Variants in SCRN3 observed in about 807,000 individuals in gnomAD.
SCRN3 encodes secernin-3.
SCRN3 carries 39 observed loss-of-function variants against 43.1 expected under a neutral mutation model. That is an observed-to-expected ratio of 0.91 (90% confidence interval 0.70 to 1.18). The LOEUF (loss-of-function observed/expected upper bound fraction) is 1.18, where lower values mean the gene tolerates loss of function less well. SCRN3 is among the 50% of genes most tolerant of loss of function. The probability of loss-of-function intolerance (pLI) is 0.00; values close to 1 mark genes in which losing one functional copy is unlikely to be tolerated. For synonymous variants in SCRN3, 147 were observed against 163.1 expected, an observed-to-expected ratio of 0.90 and a Z score of 0.75; for missense variants, 484 against 498.0, an observed-to-expected ratio of 0.97 and a Z score of 0.27.
intron 6 of SCRN3, among the ~76,000 whole-genome samples, chr2:174,423,483 A>G (rs779546851): frequency 2.0e-4 from 30 of 152,002 alleles, no homozygotes; most frequent in Admixed American, 3.9e-4. Flanking sequence ...TATTATTACT[A>G]TTTTGAGACA....
rs754486074 is a variant in SCRN3, at chr2:174,423,000, C to T, written c.870C>T (p.Ser290=). The part of the protein sequence containing the change: ...ASMVSILPQD[S]SLPCIHFFTG... ...TGGTTTCTATTTTACCTCAAGACTCCAGCCTTCCTTGCATTCACTTCTTTA... is the reference window on the plus strand; with the variant it reads ...TGGTTTCTATTTTACCTCAAGACTCTAGCCTTCCTTGCATTCACTTCTTTA... The change falls in exon 6 of 8, where the codon TCC becomes TCT. Residue 290 remains serine (S), a synonymous_variant. Coordinates refer to ENST00000272732, the MANE Select transcript of SCRN3 (RefSeq NM_024583.5). 1.3e-5 allele frequency: 21 copies of T among 1,613,568 alleles called. No homozygotes were observed. Among genetic ancestry groups the T allele is most frequent in the Non-Finnish European group, 1.8e-5 (21 of 1,179,738 alleles).
chr2:174,417,004 A>G lies in SCRN3; in HGVS notation c.755-5881A>G, dbSNP rs549064888. On this transcript the variant is annotated intron_variant, in intron 5 of 7. Transcript: ENST00000272732. ...CCAAAAGAACATGTTATAATTTGAAAAGTTTTCTGTAAAGTTTCTTAATGT... is the reference window on the plus strand; with the variant it reads ...CCAAAAGAACATGTTATAATTTGAAGAGTTTTCTGTAAAGTTTCTTAATGT... 2.0e-5 allele frequency among the ~76,000 whole-genome samples: 3 copies of G among 152,320 alleles called. 1 individual carries two copies. Among genetic ancestry groups the G allele is most frequent in the African/African-American group, 7.2e-5 (3 of 41,572 alleles).
At chr2:174,410,834 A>G (rs1197771636) in intron 5 of SCRN3, among the ~76,000 whole-genome samples, 7 of 152,218 alleles carry the variant, frequency 4.6e-5, no homozygotes, top group Non-Finnish European at 1.0e-4. Flanking sequence ...TTCAAGACAT[A>G]TATAGCTAAG....
At chr2:174,400,476 T>C (rs1234088926) in intron 3 of SCRN3, among the ~76,000 whole-genome samples, 3 of 152,092 alleles carry the variant, frequency 2.0e-5, no homozygotes, top group African/African-American at 7.2e-5. Context: ...AAAAATTTTT[T>C]TTTCAGAGAC....
intron 2 of SCRN3, 128 bp downstream of exon 2, chr2:174,398,570 A>T (rs1685403978): frequency 1.4e-6 from 1 of 693,360 alleles, no homozygotes; most frequent in African/African-American, 1.9e-5. Flanking sequence ...AAAATAAATG[A>T]GTCAGAAATA....
intron 3 of SCRN3, among the ~76,000 whole-genome samples, chr2:174,400,538 A>C (rs1685473165): frequency 6.6e-6 from 1 of 152,170 alleles, no homozygotes; most frequent in Non-Finnish European, 1.5e-5. Context: ...GCCTCTAGCC[A>C]TTCTCCTGCC....
chr2:174,424,392 T>G, intron 6 of SCRN3, 83 bp from the exon 7 acceptor site: 1 of 995,508 alleles, frequency 1.0e-6, no homozygotes, highest in Non-Finnish European at 1.5e-6. Flanking sequence ...AACTTCTAAT[T>G]GAGAGAATCT....
intron 4 of SCRN3, among the ~76,000 whole-genome samples, chr2:174,403,083 A>AC (rs1559072399): frequency 8.6e-6 from 1 of 116,398 alleles, no homozygotes; most frequent in Non-Finnish European, 1.9e-5. Flanking sequence ...AAAACTCAGT[A>AC]GTAAAAAAAA....
At chr2:174,421,062 T>A (rs1395956004) in intron 5 of SCRN3, among the ~76,000 whole-genome samples, 1 of 151,938 alleles carries the variant, frequency 6.6e-6, no homozygotes, top group African/African-American at 2.4e-5. Flanking sequence ...CAGAAAAATC[T>A]GAAACACATC....
In SCRN3 at chr2:174,399,997, G is replaced by A. The variant is rs777893514; in HGVS notation, c.235G>A (p.Ala79Thr). ...GAGTCGCCCAGCGTGGTTGTGGGGGGCAGAAATGGGAGCCAATGAGCATGG... is the reference window on the plus strand; with the variant it reads ...GAGTCGCCCAGCGTGGTTGTGGGGGACAGAAATGGGAGCCAATGAGCATGG... ...VLSRPAWLWGAEMGANEHGVC... is the reference protein window; with the variant it reads ...VLSRPAWLWGTEMGANEHGVC... Residue 79 changes from alanine to threonine, a missense_variant, in exon 3 of 8, where the codon GCA becomes ACA. Ala to Thr is a moderately conservative substitution (Grantham distance 58). Coordinates refer to ENST00000272732, the MANE Select transcript of SCRN3 (RefSeq NM_024583.5). The A allele has an allele frequency of 6.3e-7, 1 of 1,598,196 alleles. No homozygotes were observed. The highest frequency in any genetic ancestry group is 8.5e-7 in the Non-Finnish European group (1 of 1,173,850).
intron 1 of SCRN3, 82 bp from the exon 2 acceptor site, chr2:174,398,193 C>T: frequency 8.8e-6 from 7 of 798,516 alleles, no homozygotes; most frequent in Non-Finnish European, 1.1e-5. Context: ...GCAATAATAT[C>T]CTTTGGTCAT....
rs1415261393 is a variant in SCRN3 at position 174,428,949 on chromosome 2, T to C, written c.*1054T>C. The stretch of plus-strand genomic sequence containing the variant: ...TTTGGTATTTGGTTACATTATCATA[T>C]TTACTAGTCACTATCAGCACAATTA... On this transcript the variant is annotated 3_prime_UTR_variant, in exon 8 of 8. Transcript: ENST00000272732. 1.3e-5 allele frequency: 2 copies of C among 152,204 alleles called. No homozygotes were observed. The highest frequency in any genetic ancestry group is 2.9e-5 in the Non-Finnish European group (2 of 68,028). 9.4% of individuals were successfully genotyped at this position (152,204 alleles called of 1,614,324 possible). A position where few individuals can be genotyped will look rare whatever the true frequency, so the allele number is the denominator to read the frequency against.
intron 5 of SCRN3, among the ~76,000 whole-genome samples, chr2:174,420,748 A>G (rs1686266736): frequency 6.6e-6 from 1 of 152,204 alleles, no homozygotes; most frequent in South Asian, 2.1e-4. Flanking sequence ...CTGGAGGATC[A>G]GTAGAAAAGA....
chr2:174,411,347 A>G (rs940956981), intron 5 of SCRN3, among the ~76,000 whole-genome samples: 3 of 144,556 alleles, frequency 2.1e-5, no homozygotes, highest in African/African-American at 7.3e-5. Flanking sequence ...TAATGAATCT[A>G]CATGTATTTG....
At chr2:174,403,374 G>C (rs1685571814) in intron 4 of SCRN3, among the ~76,000 whole-genome samples, 1 of 151,032 alleles carries the variant, frequency 6.6e-6, no homozygotes, top group Non-Finnish European at 1.5e-5. Context: ...TTATCCCAGA[G>C]AAATAAAAAC....
At chr2:174,421,665 A>G (rs1000065902) in intron 5 of SCRN3, among the ~76,000 whole-genome samples, 1 of 152,168 alleles carries the variant, frequency 6.6e-6, no homozygotes, top group African/African-American at 2.4e-5. Flanking sequence ...TACTAAACTC[A>G]GACTTCAGAT....
intron 5 of SCRN3, among the ~76,000 whole-genome samples, chr2:174,421,312 A>G (rs1341773301): frequency 6.6e-6 from 1 of 152,264 alleles, no homozygotes; most frequent in Non-Finnish European, 1.5e-5. Flanking sequence ...CTTCAGGCAG[A>G]TAGAAGCAAG....
intron 4 of SCRN3, among the ~76,000 whole-genome samples, chr2:174,403,083 A>T (rs1312848380): frequency 1.7e-5 from 2 of 116,398 alleles, no homozygotes; most frequent in African/African-American, 5.2e-5. Flanking sequence ...AAAACTCAGT[A>T]GTAAAAAAAA....
chr2:174,408,587 C>T lies in SCRN3; in HGVS notation c.754+4272C>T, dbSNP rs1480667368. On this transcript the variant is annotated intron_variant, in intron 5 of 7. Transcript: ENST00000272732. The stretch of plus-strand genomic sequence containing the variant: ...TTTACATTTTGGCATGATTTTGCAG[C>T]GGCTGGTACCGGTTGTTCCTTTCCA... 1.7e-4 allele frequency among the ~76,000 whole-genome samples: 24 copies of T among 144,238 alleles called. 1 individual carries two copies. The South Asian group carries it at 4.7e-3, about 28-fold the overall frequency. The allele number at this position is 144,238 out of a possible 152,430, so 94.6% of individuals were successfully genotyped here.
Sources: allele counts gnomAD v4.1 joint callset (sites outside exome capture counted in the v4.1 genomes callset), GRCh38; gene constraint gnomAD v4.1.1; transcripts MANE v1.5; gene names NCBI Gene and HGNC (gene_info 2026-07-23, HGNC 2026-07-21).